The following KIF2A variants were observed in gnomAD, a reference collection of about 807,000 sequenced individuals.
KIF2A encodes kinesin family member 2A.
In KIF2A, 22 loss-of-function variants were observed where a neutral mutation model predicts 100.2. That is an observed-to-expected ratio of 0.22 (90% CI 0.16 to 0.31). The LOEUF is 0.31. KIF2A is among the 10% of genes least tolerant of loss of function. The probability of loss-of-function intolerance (pLI) is 1.00; values close to 1 mark genes in which losing one functional copy is unlikely to be tolerated. For synonymous variants in KIF2A, 268 were observed against 285.9 expected, an observed-to-expected ratio of 0.94 and a Z score of 0.63; for missense variants, 495 against 898.7, an observed-to-expected ratio of 0.55 and a Z score of 5.74.
chr5:62,364,791 T>C (rs759455023), intron 14 of KIF2A, among the ~76,000 whole-genome samples: 6 of 152,186 alleles, frequency 3.9e-5, no homozygotes, highest in Non-Finnish European at 7.3e-5. Context: ...TGGGAACATC[T>C]ACACTATGCT....
intron 4 of KIF2A, 34 bp from the exon 5 acceptor site, chr5:62,352,554 T>G (rs1288010386): frequency 1.3e-6 from 2 of 1,493,740 alleles, no homozygotes; most frequent in Non-Finnish European, 1.8e-6. Flanking sequence ...TAATTTTCTA[T>G]CCTGAATTTA....
intron 20 of KIF2A, among the ~76,000 whole-genome samples, chr5:62,381,907 C>G (rs991959696): frequency 6.6e-6 from 1 of 152,224 alleles, no homozygotes; most frequent in Non-Finnish European, 1.5e-5. Flanking sequence ...GATGACTATC[C>G]TCTGTACCTT....
At chr5:62,322,611 T>G (rs1226840689) in intron 1 of KIF2A, among the ~76,000 whole-genome samples, 1 of 152,172 alleles carries the variant, frequency 6.6e-6, no homozygotes, top group African/African-American at 2.4e-5. Flanking sequence ...CTGCAAGTCT[T>G]TGGTAAAGGA....
intron 1 of KIF2A, among the ~76,000 whole-genome samples, chr5:62,327,421 C>T (rs950492004): frequency 1.3e-5 from 2 of 152,114 alleles, no homozygotes; most frequent in African/African-American, 4.8e-5. Flanking sequence ...TCTGCCCTTC[C>T]AAAGAGCCAG....
intron 6 of KIF2A, among the ~76,000 whole-genome samples, chr5:62,353,875 TA>T (rs1312518331): frequency 6.6e-6 from 1 of 151,988 alleles, no homozygotes; most frequent in Admixed American, 6.6e-5. Context: ...CTTCAGATGG[TA>T]GCAAGACTGT....
At chr5:62,313,535 A>G (rs1272012900) in intron 1 of KIF2A, among the ~76,000 whole-genome samples, 2 of 151,978 alleles carry the variant, frequency 1.3e-5, no homozygotes, top group East Asian at 3.9e-4. Flanking sequence ...TTGTATTTTT[A>G]GTAGAGATGG....
intron 1 of KIF2A, among the ~76,000 whole-genome samples, chr5:62,315,598 G>A (rs1001289662): frequency 6.6e-6 from 1 of 152,180 alleles, no homozygotes; most frequent in African/African-American, 2.4e-5. Flanking sequence ...AAAGCTGTCA[G>A]GTGAAGGGCA....
intron 11 of KIF2A, 113 bp downstream of exon 11, chr5:62,361,642 C>G (rs1036682615): frequency 3.3e-6 from 2 of 612,334 alleles, no homozygotes; most frequent in African/African-American, 3.7e-5. Context: ...TATTAACTGT[C>G]TATTATGTCA....
At chr5:62,384,211 T>C (rs1741915623) in intron 20 of KIF2A, among the ~76,000 whole-genome samples, 1 of 152,184 alleles carries the variant, frequency 6.6e-6, no homozygotes, top group East Asian at 1.9e-4. Context: ...ATCACGCCAC[T>C]GCACTCCAAC....
At chr5:62,377,177 G>A (rs1010935912) in intron 18 of KIF2A, among the ~76,000 whole-genome samples, 11 of 143,768 alleles carry the variant, frequency 7.7e-5, no homozygotes, top group African/African-American at 2.9e-4. Flanking sequence ...AATTAGTTAA[G>A]AGTTAAGTCC....
intron 12 of KIF2A, 128 bp from the exon 13 acceptor site, chr5:62,363,050 A>G: frequency 1.5e-6 from 1 of 663,784 alleles, no homozygotes; most frequent in Non-Finnish European, 2.4e-6. Context: ...CTGGTTTTGA[A>G]CTCCTGAGCT....
At chr5:62,355,285 A>T (rs774394458) in intron 7 of KIF2A, 31 bp downstream of exon 7, 54 of 1,077,832 alleles carry the variant, frequency 5.0e-5, no homozygotes, top group Non-Finnish European at 1.7e-5. Flanking sequence ...TTATTCTGGA[A>T]CTTTTTATGC....
chr5:62,359,591 T>C (rs1056751663), intron 9 of KIF2A, among the ~76,000 whole-genome samples: 10 of 152,178 alleles, frequency 6.6e-5, no homozygotes, highest in African/African-American at 2.4e-4. Context: ...CACTTTTCCT[T>C]TTCATTCCCT....
At chr5:62,333,148 A>T (rs1315959404) in intron 1 of KIF2A, among the ~76,000 whole-genome samples, 1 of 152,232 alleles carries the variant, frequency 6.6e-6, no homozygotes, top group African/African-American at 2.4e-5. Context: ...TTAAAATGCG[A>T]ATTGAGTTTT....
chr5:62,352,755 T>C (rs1398544103), intron 5 of KIF2A, 45 bp downstream of exon 5: 30 of 1,540,844 alleles, frequency 1.9e-5, no homozygotes, highest in Non-Finnish European at 2.7e-5. Context: ...TAGGCATACA[T>C]GTATTCTCTC....
Position 62,388,767 on chromosome 5 carries a change from G to A in KIF2A, c.*3198G>A, listed in dbSNP as rs534154769. ...TAAGTGTAAAGTTGTGCGTCTCTGC[G>A]GCTCCTGAACTTGAAGATTATTATG... On this transcript the variant is annotated 3_prime_UTR_variant, in exon 21 of 21. Transcript: ENST00000407818. The A allele has an allele frequency of 1.5e-5, 8 of 518,022 alleles. No individual in the cohort carries two copies. The highest frequency in any genetic ancestry group is 3.5e-5 in the Admixed American group (1 of 28,628). The allele number at this position is 518,022 out of a possible 1,614,324, so 32.1% of individuals were successfully genotyped here.
chr5:62,357,484 CA>C (rs1748175688), intron 7 of KIF2A, among the ~76,000 whole-genome samples: 1 of 152,132 alleles, frequency 6.6e-6, no homozygotes, highest in Admixed American at 6.5e-5. Flanking sequence ...ACAAAATAAG[CA>C]AGTTTCCATT....
chr5:62,310,876 T>A (rs1041450011), intron 1 of KIF2A, among the ~76,000 whole-genome samples: 1 of 152,184 alleles, frequency 6.6e-6, no homozygotes, highest in Admixed American at 6.5e-5. Context: ...TTTTTTTTTC[T>A]TTTAGCTGTG....
rs200033614 is a variant in KIF2A, at chr5:62,353,442, A to G, written c.558+67A>G. ...AGATTAGATTATATCAGTGAAGGTG[A>G]TTGATGTGAACAAAATAATTAAGGC... On this transcript the variant is annotated intron_variant, in intron 6 of 20. Coordinates refer to ENST00000407818, the MANE Select transcript of KIF2A (RefSeq NM_001098511.3). 3.4e-4 allele frequency: 239 copies of G among 694,210 alleles called. 2 individuals are homozygous for G. The highest frequency in any genetic ancestry group is 5.8e-4 in the Admixed American group (15 of 25,754). The allele number at this position is 694,210 out of a possible 1,614,324, so 43.0% of individuals were successfully genotyped here.
Sources: allele counts gnomAD v4.1 joint callset (sites outside exome capture counted in the v4.1 genomes callset), GRCh38; gene constraint gnomAD v4.1.1; transcripts MANE v1.5; gene names NCBI Gene and HGNC (gene_info 2026-07-23, HGNC 2026-07-21).